The following LTBP1 variants were observed in gnomAD, a reference collection of about 807,000 sequenced individuals.
The protein encoded by LTBP1 is latent transforming growth factor beta binding protein 1, also known as latent-transforming growth factor beta-binding protein 1.
A neutral mutation model predicts 207.6 loss-of-function variants in LTBP1; 129 were observed. The observed-to-expected ratio is 0.62, with a 90% CI of 0.54 to 0.72. The LOEUF is 0.72. Ranked by LOEUF, LTBP1 falls within the 30% of genes least tolerant of loss-of-function variation. LTBP1 has a pLI of 0.00. For missense variants in LTBP1, 2,281 were observed against 2,217.2 expected, an observed-to-expected ratio of 1.03 and a Z score of -0.58; for synonymous variants, 963 against 833.7, an observed-to-expected ratio of 1.16 and a Z score of -2.67.
Position 33,012,941 on chromosome 2 carries a change from C to T in LTBP1, c.566-7968C>T, listed in dbSNP as rs557687832. Among the ~76,000 whole-genome samples the T allele has an allele frequency of 5.9e-5, 9 of 152,212 alleles. No individual in the cohort carries two copies. In the South Asian group the frequency reaches 1.7e-3, roughly 28 times the overall value. On this transcript the variant is annotated intron_variant, in intron 2 of 33. Coordinates refer to ENST00000404816, the MANE Select transcript of LTBP1 (RefSeq NM_206943.4). ...TGAATGGCAGTGAATAATGAAATAA[C>T]GTGTTTTAATTCACTTTATCAATGC...
At chr2:33,042,515 T>C (rs1253212766) in intron 3 of LTBP1, among the ~76,000 whole-genome samples, 3 of 152,206 alleles carry the variant, frequency 2.0e-5, no homozygotes, top group Non-Finnish European at 4.4e-5. Flanking sequence ...GGGATTCTTT[T>C]GGTTGCCAGT....
chr2:33,117,974 T>G (rs988278759), intron 4 of LTBP1, among the ~76,000 whole-genome samples: 2 of 152,016 alleles, frequency 1.3e-5, no homozygotes, highest in Non-Finnish European at 2.9e-5. Flanking sequence ...CACACTCATG[T>G]GAAGAGAGAA....
intron 3 of LTBP1, among the ~76,000 whole-genome samples, chr2:33,060,532 A>ATG (rs1294776323): frequency 6.9e-6 from 1 of 145,404 alleles, no homozygotes; most frequent in Non-Finnish European, 1.5e-5. Flanking sequence ...GTGTGTATGT[A>ATG]TGTGTGTGTG....
At chr2:33,252,257 C>T (rs1346209837) in intron 10 of LTBP1, among the ~76,000 whole-genome samples, 4 of 152,246 alleles carry the variant, frequency 2.6e-5, no homozygotes, top group Non-Finnish European at 5.9e-5. Flanking sequence ...CCATGTTCCT[C>T]ATTCTCCAAA....
intron 33 of LTBP1, 37 bp from the exon 34 acceptor site, chr2:33,398,327 C>G: frequency 6.3e-7 from 1 of 1,594,772 alleles, no homozygotes; most frequent in Non-Finnish European, 8.6e-7. Flanking sequence ...AGAATAATAT[C>G]CAAGATTGTT....
At chr2:33,197,293 G>A (rs967713964) in intron 7 of LTBP1, among the ~76,000 whole-genome samples, 2 of 152,188 alleles carry the variant, frequency 1.3e-5, no homozygotes, top group African/African-American at 4.8e-5. Context: ...GGCAGAGTTA[G>A]GTTTCTGTGC....
chr2:32,983,548 C>G (rs1239777058), intron 2 of LTBP1, among the ~76,000 whole-genome samples: 1 of 152,114 alleles, frequency 6.6e-6, no homozygotes, highest in Non-Finnish European at 1.5e-5. Context: ...GTGTCCCCAC[C>G]CAAGTCGTAT....
intron 5 of LTBP1, among the ~76,000 whole-genome samples, chr2:33,155,916 G>A (rs1558720570): frequency 6.6e-6 from 1 of 152,190 alleles, no homozygotes; most frequent in Non-Finnish European, 1.5e-5. Flanking sequence ...AATCAGCTGT[G>A]ATACTTCCCT....
intron 7 of LTBP1, among the ~76,000 whole-genome samples, chr2:33,197,530 A>G (rs1271907291): frequency 2.0e-5 from 3 of 152,206 alleles, no homozygotes; most frequent in Non-Finnish European, 4.4e-5. Flanking sequence ...TCATAGGAAC[A>G]TTGAATATGT....
chr2:33,373,576 T>A (rs1374945838), intron 31 of LTBP1, among the ~76,000 whole-genome samples: 2 of 152,214 alleles, frequency 1.3e-5, no homozygotes, highest in Non-Finnish European at 2.9e-5. Flanking sequence ...TTGTCAGTTA[T>A]TCATACTCCT....
At chr2:33,051,735 G>A (rs1268247413) in intron 3 of LTBP1, among the ~76,000 whole-genome samples, 1 of 152,132 alleles carries the variant, frequency 6.6e-6, no homozygotes, top group African/African-American at 2.4e-5. Context: ...GGCTTCATGT[G>A]TTGTGGAGAG....
chr2:32,972,117 G>GTTTT (rs367726622), intron 2 of LTBP1, among the ~76,000 whole-genome samples: 2 of 124,242 alleles, frequency 1.6e-5, no homozygotes, highest in Non-Finnish European at 3.6e-5. Context: ...TGAGTTTTTT[G>GTTTT]TTTTTTTTTT....
intron 19 of LTBP1, among the ~76,000 whole-genome samples, chr2:33,289,253 A>C (rs1573640898): frequency 6.6e-6 from 1 of 152,370 alleles, no homozygotes; most frequent in Admixed American, 6.5e-5. Context: ...TACCTCGGCA[A>C]GTTTCTTACC....
At chr2:33,316,166 G>A (rs921303396) in intron 24 of LTBP1, among the ~76,000 whole-genome samples, 4 of 152,258 alleles carry the variant, frequency 2.6e-5, no homozygotes, top group African/African-American at 7.2e-5. Context: ...ATTTTCATAA[G>A]ATTTGTGTTC....
intron 19 of LTBP1, among the ~76,000 whole-genome samples, chr2:33,285,351 C>A (rs2093644185): frequency 6.6e-6 from 1 of 151,238 alleles, no homozygotes; most frequent in Non-Finnish European, 1.5e-5. Context: ...TCACATTCTT[C>A]TATATAACTA....
intron 2 of LTBP1, among the ~76,000 whole-genome samples, chr2:32,973,271 C>CT (rs141213928): frequency 0.087 from 13,211 of 152,078 alleles, 719 homozygotes; most frequent in African/African-American, 0.14. Context: ...GTGTCATTAT[C>CT]TAAGTCTCTT....
chr2:32,999,012 C>A (rs1300163112), intron 2 of LTBP1, among the ~76,000 whole-genome samples: 1 of 152,188 alleles, frequency 6.6e-6, no homozygotes, highest in Non-Finnish European at 1.5e-5. Context: ...TAGAAATACA[C>A]CTTATGAGGC....
chr2:33,104,027 T>C (rs1048656174), intron 3 of LTBP1, among the ~76,000 whole-genome samples: 5 of 152,128 alleles, frequency 3.3e-5, no homozygotes, highest in African/African-American at 4.8e-5. Flanking sequence ...TTGTGGCCTA[T>C]TGGGGGTTCC....
At chr2:33,259,712 T>C in intron 13 of LTBP1, 102 bp downstream of exon 13, 4 of 1,066,692 alleles carry the variant, frequency 3.7e-6, no homozygotes, top group African/African-American at 1.6e-5. Context: ...GTAACATCTC[T>C]ATTATGCATC....
Sources: allele counts gnomAD v4.1 joint callset (sites outside exome capture counted in the v4.1 genomes callset), GRCh38; gene constraint gnomAD v4.1.1; transcripts MANE v1.5; gene names NCBI Gene and HGNC (gene_info 2026-07-23, HGNC 2026-07-21).